DHX36: variants seen among roughly 807,000 people sequenced by gnomAD.
DHX36 encodes the protein DEAH-box helicase 36, also known as ATP-dependent DNA/RNA helicase DHX36.
DHX36 carries 50 observed loss-of-function variants against 139.0 expected under a neutral mutation model. The observed-to-expected ratio is 0.36, with a 90% CI of 0.29 to 0.46. DHX36 has a LOEUF of 0.46. Ranked by LOEUF, DHX36 falls within the 20% of genes least tolerant of loss-of-function variation. DHX36 has a pLI of 1.00. For synonymous variants in DHX36, 425 were observed against 401.9 expected, an observed-to-expected ratio of 1.06 and a Z score of -0.69; for missense variants, 1,024 against 1,211.3, an observed-to-expected ratio of 0.85 and a Z score of 2.29.
chr3:154,315,400 C>T (rs1712941856), intron 2 of DHX36, 120 bp from the exon 3 acceptor site: 1 of 660,938 alleles, frequency 1.5e-6, no homozygotes, highest in Admixed American at 3.4e-5. Flanking sequence ...CAAAGCTTTT[C>T]TTTTCTCTTA....
At position 154,299,762 on chromosome 3, in the gene DHX36, TAAAAG is replaced by T. The variant is rs550363921; in HGVS notation, c.1549+71_1549+75del. 196 of 1,109,060 alleles carry T rather than the reference TAAAAG, an allele frequency of 1.8e-4. 1 individual carries two copies. The East Asian group carries it at 4.6e-3, about 26-fold the overall frequency. The allele number at this position is 1,109,060 out of a possible 1,614,324, so 68.7% of individuals were successfully genotyped here. A position where few individuals can be genotyped will look rare whatever the true frequency, so the allele number is the denominator to read the frequency against. ...CTAGTAGAAGCAACACTTCTTTGAA[TAAAAG>T]AAAAAAATACACATCATATATAATT... On this transcript the variant is annotated intron_variant, in intron 12 of 24. Coordinates refer to ENST00000496811, the MANE Select transcript of DHX36 (RefSeq NM_020865.3).
At chr3:154,297,545 T>C (rs969525118) in intron 12 of DHX36, among the ~76,000 whole-genome samples, 1 of 152,062 alleles carries the variant, frequency 6.6e-6, no homozygotes, top group Non-Finnish European at 1.5e-5. Context: ...ACCCTGTCTC[T>C]ACTAAAAATA....
At chr3:154,309,093 C>G (rs1712630580) in intron 5 of DHX36, among the ~76,000 whole-genome samples, 1 of 151,976 alleles carries the variant, frequency 6.6e-6, no homozygotes, top group African/African-American at 2.4e-5. Context: ...GGGGCGGAGG[C>G]AGGAGGATCA....
intron 17 of DHX36, among the ~76,000 whole-genome samples, chr3:154,285,262 C>A (rs143891752): frequency 7.2e-5 from 11 of 152,192 alleles, no homozygotes; most frequent in African/African-American, 2.6e-4. Context: ...TAAATAAAGT[C>A]ACCTAATAAA....
intron 3 of DHX36, 22 bp downstream of exon 3, chr3:154,315,023 AT>A (rs758497142): frequency 1.3e-6 from 2 of 1,518,444 alleles, no homozygotes; most frequent in Non-Finnish European, 1.8e-6. Flanking sequence ...ATGACAAAAT[AT>A]TTTTTGACAT....
rs1559958761 is a variant in DHX36 at position 154,312,883 on chromosome 3, AT to A, written c.604-1210del. On this transcript the variant is annotated intron_variant, in intron 3 of 24. Transcript: ENST00000496811. ...TATATATATATATATATATATATATATATATATATATATATATAAAATAAAT... is the reference window on the plus strand; with the variant it reads ...TATATATATATATATATATATATATAATATATATATATATATAAAATAAAT... Among the ~76,000 whole-genome samples the A allele has an allele frequency of 1.5e-3, 177 of 116,630 alleles. 11 individuals carry two copies. The highest frequency in any genetic ancestry group is 4.8e-3 in the African/African-American group (140 of 29,052). The allele number at this position is 116,630 out of a possible 152,430, so 76.5% of individuals were successfully genotyped here. A position where few individuals can be genotyped will look rare whatever the true frequency, so the allele number is the denominator to read the frequency against.
At chr3:154,313,162 T>C (rs1054515424) in intron 3 of DHX36, among the ~76,000 whole-genome samples, 1 of 151,988 alleles carries the variant, frequency 6.6e-6, no homozygotes, top group African/African-American at 2.4e-5. Flanking sequence ...TGTTACCATC[T>C]TAACACATAA....
intron 5 of DHX36, among the ~76,000 whole-genome samples, chr3:154,308,944 C>G (rs1462592421): frequency 6.6e-6 from 1 of 152,026 alleles, no homozygotes; most frequent in Non-Finnish European, 1.5e-5. Flanking sequence ...TCCCAGCACT[C>G]CGGGAGGCTG....
At chr3:154,285,134 C>T in intron 17 of DHX36, 147 bp from the exon 18 acceptor site, 2 of 824,404 alleles carry the variant, frequency 2.4e-6, no homozygotes, top group Non-Finnish European at 3.7e-6. Flanking sequence ...GTTTTCCCTA[C>T]CAAAACATAA....
At position 154,275,483 on chromosome 3, in the gene DHX36, C is replaced by T. The variant is rs1719120338; in HGVS notation, c.*688G>A. ...CAAGATAAGGAAAAAGGAGAGAAGC[C>T]AAGACACTGACTAACTGACAGAGCT... On this transcript the variant is annotated 3_prime_UTR_variant, in exon 25 of 25. Transcript: ENST00000496811. The T allele has an allele frequency of 6.6e-6, 1 of 152,466 alleles. No individual in the cohort carries two copies. Among genetic ancestry groups the T allele is most frequent in the Non-Finnish European group, 1.5e-5 (1 of 68,044 alleles). 9.4% of individuals were successfully genotyped at this position (152,466 alleles called of 1,614,324 possible).
chr3:154,311,747 C>T lies in DHX36; in HGVS notation c.604-73G>A, dbSNP rs78176894. The T allele has an allele frequency of 2.5e-3, 2,968 of 1,192,124 alleles. 47 individuals are homozygous for T. In the African/African-American group the frequency reaches 0.039, roughly 15 times the overall value. 73.8% of individuals were successfully genotyped at this position (1,192,124 alleles called of 1,614,324 possible). On this transcript the variant is annotated intron_variant, in intron 3 of 24. Transcript: ENST00000496811. ...AATTATAATCATGGTATTTAGGATA[C>T]ATCACAGGGTAAATTGGCTAGAATC...
chr3:154,287,604 C>T (rs1460560791), intron 17 of DHX36, among the ~76,000 whole-genome samples: 1 of 151,844 alleles, frequency 6.6e-6, no homozygotes, highest in Non-Finnish European at 1.5e-5. Context: ...CTGCAGTGAG[C>T]CGAGATCATG....
chr3:154,274,999 C>G lies in DHX36; in HGVS notation c.*1172G>C, dbSNP rs908194051. ...AATATAATAGATTGTTAGACATTTA[C>G]GAAAATATTTCAGGGACAAATAACA... is the stretch of plus-strand genomic sequence containing the variant. On this transcript the variant is annotated 3_prime_UTR_variant, in exon 25 of 25. Coordinates refer to ENST00000496811, the MANE Select transcript of DHX36 (RefSeq NM_020865.3). 1 of 152,164 alleles carries G rather than the reference C, an allele frequency of 6.6e-6. No individual in the cohort carries two copies. Among genetic ancestry groups the G allele is most frequent in the Non-Finnish European group, 1.5e-5 (1 of 68,036 alleles). 9.4% of individuals were successfully genotyped at this position (152,164 alleles called of 1,614,324 possible).
chr3:154,293,797 G>T lies in DHX36; in HGVS notation c.1621C>A (p.Pro541Thr). ...ATTACTATTTTCCGAACACCAGGAG[G>T]GGTTCTTTTAAACACCTGTAAAAAT... ...VNQTQVFKRT[P>T]PGVRKIVIAT... Residue 541 changes from proline (P) to threonine (T), a missense_variant, in exon 14 of 25, where the codon CCT (proline) becomes ACT (threonine). Coordinates refer to ENST00000496811, the MANE Select transcript of DHX36 (RefSeq NM_020865.3). The T allele has an allele frequency of 6.2e-7, 1 of 1,612,330 alleles. No individual in the cohort carries two copies. Among genetic ancestry groups the T allele is most frequent in the Non-Finnish European group, 8.5e-7 (1 of 1,178,906 alleles).
intron 3 of DHX36, among the ~76,000 whole-genome samples, chr3:154,313,711 T>C (rs138198398): frequency 2.0e-5 from 3 of 152,198 alleles, no homozygotes; most frequent in African/African-American, 4.8e-5. Context: ...CGCACACATA[T>C]ATAGCACAGT....
At chr3:154,316,799 G>C (rs1203966753) in intron 1 of DHX36, among the ~76,000 whole-genome samples, 3 of 149,058 alleles carry the variant, frequency 2.0e-5, no homozygotes. Context: ...AAATGTCCAA[G>C]GTGAAAAAAA....
Position 154,273,713 on chromosome 3 carries a change from G to T in DHX36, c.*2458C>A, listed in dbSNP as rs754433220. On this transcript the variant is annotated 3_prime_UTR_variant, in exon 25 of 25. Transcript: ENST00000496811. ...AGGTAACACACATTCCCAGGATTGGGAGCAGTACCTGAACAAGTGCTGTTA... is the reference window on the plus strand; with the variant it reads ...AGGTAACACACATTCCCAGGATTGGTAGCAGTACCTGAACAAGTGCTGTTA... 2 of 152,194 alleles carry T rather than the reference G, an allele frequency of 1.3e-5. No homozygotes were observed. The highest frequency in any genetic ancestry group is 2.9e-5 in the Non-Finnish European group (2 of 68,042). 9.4% of individuals were successfully genotyped at this position (152,194 alleles called of 1,614,324 possible). A position where few individuals can be genotyped will look rare whatever the true frequency, so the allele number is the denominator to read the frequency against.
chr3:154,301,953 C>T (rs1041171191), intron 9 of DHX36, among the ~76,000 whole-genome samples: 2 of 151,796 alleles, frequency 1.3e-5, no homozygotes, highest in African/African-American at 4.8e-5. Flanking sequence ...CCCTCCTCTG[C>T]TACTGACTAG....
chr3:154,280,940 T>C (rs1719316270), intron 20 of DHX36, 78 bp from the exon 21 acceptor site: 1 of 1,085,736 alleles, frequency 9.2e-7, no homozygotes, highest in Non-Finnish European at 1.4e-6. Flanking sequence ...AATAGATAAA[T>C]TGAGTTGTAA....
Sources: gnomAD v4.1 joint callset for allele counts (sites outside exome capture counted in the v4.1 genomes callset) on GRCh38, gnomAD v4.1.1 for gene constraint, MANE v1.5 for transcripts, NCBI Gene and HGNC (gene_info 2026-07-23, HGNC 2026-07-21) for gene names.